The following NFIC variants were observed in gnomAD, a reference collection of about 807,000 sequenced individuals.
NFIC encodes the protein nuclear factor I C.
A neutral mutation model predicts 54.4 loss-of-function variants in NFIC; 12 were observed. The ratio of observed to expected loss-of-function variants is 0.22; its 90% CI spans 0.14 to 0.36. NFIC has a LOEUF of 0.36. NFIC is among the 10% of genes least tolerant of loss of function. NFIC has a pLI of 1.00. For synonymous variants in NFIC, 322 were observed against 319.2 expected (o/e 1.01, Z -0.09); for missense variants, 575 against 718.2 (o/e 0.80, Z 2.28).
intron 2 of NFIC, among the ~76,000 whole-genome samples, chr19:3,423,846 G>A (rs1187756553): frequency 2.0e-5 from 3 of 151,934 alleles, no homozygotes; most frequent in African/African-American, 4.8e-5. Flanking sequence ...ACTAACAGCC[G>A]GGTCCCTGGG....
chr19:3,430,868 G>A (rs1232100709), intron 3 of NFIC, among the ~76,000 whole-genome samples: 1 of 147,006 alleles, frequency 6.8e-6, no homozygotes, highest in Non-Finnish European at 1.5e-5. Flanking sequence ...GGAGGCATAG[G>A]TTGCAGTGAG....
chr19:3,440,216 G>A (rs1351626263), intron 6 of NFIC, among the ~76,000 whole-genome samples: 1 of 152,064 alleles, frequency 6.6e-6, no homozygotes, highest in Non-Finnish European at 1.5e-5. Context: ...CCTCTGGGGC[G>A]GGGCTGTCTT....
chr19:3,420,410 G>A (rs2081933778), intron 2 of NFIC, among the ~76,000 whole-genome samples: 1 of 152,006 alleles, frequency 6.6e-6, no homozygotes, highest in Non-Finnish European at 1.5e-5. Flanking sequence ...TGGGCGTGTG[G>A]GCGTGGTGGC....
chr19:3,371,091 G>T (rs764618147), intron 1 of NFIC, among the ~76,000 whole-genome samples: 1 of 152,172 alleles, frequency 6.6e-6, no homozygotes, highest in Non-Finnish European at 1.5e-5. Context: ...TCTTGCTCAG[G>T]AGGTGCCAAA....
Position 3,435,176 on chromosome 19 carries a change from C to A in NFIC, c.927C>A (p.Ser309Arg). 6.2e-7 allele frequency: 1 copy of A among 1,606,176 alleles called. No individual in the cohort carries two copies. Among genetic ancestry groups the A allele is most frequent in the East Asian group, 2.2e-5 (1 of 44,568 alleles). ...YYTSPSSPTSSSRNWTEDMEG... is the reference protein window; with the variant it reads ...YYTSPSSPTSRSRNWTEDMEG... ...CTTCGCCCAGCTCGCCCACGAGTAG[C>A]AGCCGCAACTGGACGGAGGACATGG... The change falls in exon 6 of 11, where the codon AGC (serine) becomes AGA (arginine). Residue 309 changes from serine to arginine, a missense_variant. Around this residue, in one of 3 missense-constraint regions of NFIC, gnomAD observed 447 missense variants for 526.9 expected, o/e 0.85. Transcript: ENST00000443272.
chr19:3,400,848 T>A (rs1403235680), intron 2 of NFIC, among the ~76,000 whole-genome samples: 2 of 151,800 alleles, frequency 1.3e-5, no homozygotes, highest in African/African-American at 4.8e-5. Flanking sequence ...TCTCAAAAAA[T>A]AATAATAATA....
At chr19:3,372,516 G>A (rs11085016) in intron 1 of NFIC, among the ~76,000 whole-genome samples, 50,675 of 152,098 alleles carry the variant, frequency 0.33, 9,880 homozygotes, top group Middle Eastern at 0.53. Context: ...TTGTGGGACC[G>A]ACAGTCTAGG....
chr19:3,464,026 G>GCGTCCTGCC lies in NFIC; in HGVS notation c.*1259_*1267dup, dbSNP rs988288631. ...GGCAGAGCTGGGCGTCACTTCGCAA[G>GCGTCCTGCC]CGTCCTGCCCTGCCGGGGCGCGGGG... On this transcript the variant is annotated 3_prime_UTR_variant, in exon 11 of 11. Coordinates refer to ENST00000443272, the MANE Select transcript of NFIC (RefSeq NM_001245002.2). 94 of 985,258 alleles carry GCGTCCTGCC rather than the reference G, an allele frequency of 9.5e-5. No individual in the cohort carries two copies. The highest frequency in any genetic ancestry group is 1.1e-4 in the Non-Finnish European group (91 of 829,964). 61.0% of individuals were successfully genotyped at this position (985,258 alleles called of 1,614,324 possible). A position where few individuals can be genotyped will look rare whatever the true frequency, so the allele number is the denominator to read the frequency against.
rs1339975595 is a variant in NFIC at position 3,459,819 on chromosome 19, T to G, written c.1510-2933T>G. ...CTGGAGGTGGGGCGCTGGGAACCAC[T>G]GTGGCGCCAGTTCCATGGGCTGGCC... On this transcript the variant is annotated intron_variant, in intron 10 of 10. Coordinates refer to ENST00000443272, the MANE Select transcript of NFIC (RefSeq NM_001245002.2). The surrounding 1 kb of genome is among the most constrained non-coding windows in gnomAD (Gnocchi z 4.2). 6.6e-6 allele frequency among the ~76,000 whole-genome samples: 1 copy of G among 152,234 alleles called. No homozygotes were observed. Among genetic ancestry groups the G allele is most frequent in the East Asian group, 1.9e-4 (1 of 5,194 alleles).
intron 2 of NFIC, among the ~76,000 whole-genome samples, chr19:3,399,908 G>A (rs770544361): frequency 6.6e-6 from 1 of 152,052 alleles, no homozygotes; most frequent in South Asian, 2.1e-4. Context: ...AAATAGGCTG[G>A]GCACAGTGAC....
At chr19:3,445,248 G>A (rs193198404) in intron 6 of NFIC, among the ~76,000 whole-genome samples, 44 of 152,234 alleles carry the variant, frequency 2.9e-4, no homozygotes, top group African/African-American at 9.4e-4. Flanking sequence ...CACACGTGCC[G>A]ACAAGACCAG....
At chr19:3,404,016 C>G (rs906439973) in intron 2 of NFIC, among the ~76,000 whole-genome samples, 1 of 151,886 alleles carries the variant, frequency 6.6e-6, no homozygotes, top group Non-Finnish European at 1.5e-5. Flanking sequence ...TCCACCCCCC[C>G]AGCCCCTGGC....
At chr19:3,436,345 A>G (rs1165656092) in intron 6 of NFIC, among the ~76,000 whole-genome samples, 52 of 114,766 alleles carry the variant, frequency 4.5e-4, no homozygotes, top group Non-Finnish European at 8.0e-4. Flanking sequence ...TTTGGTAGAG[A>G]TGGGGTCTCA....
At chr19:3,390,057 G>C (rs1354898050) in intron 2 of NFIC, among the ~76,000 whole-genome samples, 2 of 152,232 alleles carry the variant, frequency 1.3e-5, no homozygotes, top group Non-Finnish European at 2.9e-5. Flanking sequence ...AGGAGGGAAG[G>C]AGGGAGGTCC....
chr19:3,454,123 G>A lies in NFIC; in HGVS notation c.1423+207G>A, dbSNP rs368492671. ...TTAGGGGCTGGCCGGACCAAGCCTC[G>A]GGCCAGGGTGAGAGTCCAGGGTCTG... On this transcript the variant is annotated intron_variant, in intron 9 of 10. Coordinates refer to ENST00000443272, the MANE Select transcript of NFIC (RefSeq NM_001245002.2). The A allele has an allele frequency of 4.8e-4, 645 of 1,347,298 alleles. 2 individuals carry two copies. In the Middle Eastern group the frequency reaches 8.2e-3, roughly 17 times the overall value. 83.5% of individuals were successfully genotyped at this position (1,347,298 alleles called of 1,614,324 possible).
Position 3,467,107 on chromosome 19 carries a change from T to G in NFIC, c.*4338T>G, listed in dbSNP as rs1237384744. The stretch of plus-strand genomic sequence containing the variant: ...GGAGGGAGTGTTGGTTTTTTGTTTT[T>G]GTTTTTTTAACATGTATGAAACTGA... On this transcript the variant is annotated 3_prime_UTR_variant, in exon 11 of 11. Transcript: ENST00000443272. 2 of 151,406 alleles carry G rather than the reference T, an allele frequency of 1.3e-5. No individual in the cohort carries two copies. Among genetic ancestry groups the G allele is most frequent in the East Asian group, 3.9e-4 (2 of 5,158 alleles). 9.4% of individuals were successfully genotyped at this position (151,406 alleles called of 1,614,324 possible).
At chr19:3,447,036 C>T (rs370583204) in intron 6 of NFIC, among the ~76,000 whole-genome samples, 19 of 152,202 alleles carry the variant, frequency 1.2e-4, no homozygotes, top group Non-Finnish European at 2.2e-4. Flanking sequence ...CAGTGGCTCA[C>T]GCCTATAATC....
At position 3,369,313 on chromosome 19, in the gene NFIC, C is replaced by T. The variant is rs952417995; in HGVS notation, c.30+2647C>T. On this transcript the variant is annotated intron_variant, in intron 1 of 10. Transcript: ENST00000443272. This position sits in a 1 kb window ranked among gnomAD's most constrained non-coding sequence, Gnocchi z 4.3. The stretch of plus-strand genomic sequence containing the variant: ...CTCACCTTCCCTTTCTCCTCTGTCT[C>T]TGCGTGTCTCCCCTTGCCCCCTCTC... Among the ~76,000 whole-genome samples the T allele has an allele frequency of 6.6e-6, 1 of 151,374 alleles. No individual in the cohort carries two copies. Among genetic ancestry groups the T allele is most frequent in the East Asian group, 1.9e-4 (1 of 5,180 alleles).
intron 6 of NFIC, 118 bp downstream of exon 6, chr19:3,435,325 G>A (rs1254876828): frequency 1.5e-6 from 2 of 1,353,744 alleles, no homozygotes; most frequent in Admixed American, 2.9e-5. Context: ...CTGGAGCCGC[G>A]GGGCCTCCTG....
Sources: allele counts gnomAD v4.1 joint callset (sites outside exome capture counted in the v4.1 genomes callset), GRCh38; gene constraint gnomAD v4.1.1; regional missense constraint gnomAD v4.1.1; non-coding constraint Gnocchi (gnomAD v3.1); transcripts MANE v1.5; gene names NCBI Gene and HGNC (gene_info 2026-07-23, HGNC 2026-07-21).